Variants in EIF2S3B observed in about 807,000 individuals in gnomAD.
EIF2S3B encodes eukaryotic translation initiation factor 2 subunit gamma B.
In EIF2S3B, 16 loss-of-function variants were observed where a neutral mutation model predicts 26.4. The ratio of observed to expected loss-of-function variants is 0.61; its 90% confidence interval spans 0.41 to 0.92. The LOEUF (loss-of-function observed/expected upper bound fraction) is 0.92. Ranked by LOEUF, EIF2S3B falls within the 40% of genes least tolerant of loss-of-function variation. EIF2S3B has a pLI of 0.00. For missense variants in EIF2S3B, 510 were observed against 575.5 expected (o/e 0.89, Z 1.16); for synonymous variants, 183 against 204.4 (o/e 0.90, Z 0.89).
chr12:10,515,883 TACTA>T (rs1386599635), intron 1 of EIF2S3B, among the ~76,000 whole-genome samples: 56 of 151,358 alleles, frequency 3.7e-4, no homozygotes, highest in African/African-American at 1.3e-3. Context: ...ATTATATACA[TACTA>T]CATACATACT....
At chr12:10,517,621 T>C (rs1275291583) in intron 1 of EIF2S3B, among the ~76,000 whole-genome samples, 3 of 152,144 alleles carry the variant, frequency 2.0e-5, no homozygotes, top group Non-Finnish European at 4.4e-5. Flanking sequence ...TCAGTTCTGC[T>C]CTGATTTTAG....
chr12:10,515,834 ATG>A (rs1385351266), intron 1 of EIF2S3B, among the ~76,000 whole-genome samples: 1 of 151,574 alleles, frequency 6.6e-6, no homozygotes, highest in African/African-American at 2.4e-5. Flanking sequence ...ATGTATATAT[ATG>A]TGTGTGTATA....
chr12:10,517,097 C>G (rs1288250200), intron 1 of EIF2S3B, among the ~76,000 whole-genome samples: 1 of 151,856 alleles, frequency 6.6e-6, no homozygotes, highest in Admixed American at 6.6e-5. Context: ...CTCTGCCCGG[C>G]TTTGGTATCA....
intron 1 of EIF2S3B, among the ~76,000 whole-genome samples, chr12:10,520,669 C>T (rs1456615924): frequency 1.3e-5 from 2 of 152,018 alleles, no homozygotes; most frequent in African/African-American, 4.8e-5. Flanking sequence ...GAACGTCTTC[C>T]GTTCTTTCAT....
chr12:10,511,640 T>C (rs1452529152), downstream of EIF2S3B, among the ~76,000 whole-genome samples: 1 of 152,172 alleles, frequency 6.6e-6, no homozygotes, highest in Non-Finnish European at 1.5e-5. Context: ...AAACTGGAAA[T>C]TTAAAGAATT....
chr12:10,507,343 A>G lies in EIF2S3B; in HGVS notation c.*22A>G, dbSNP rs1428983547. On this transcript the variant is annotated 3_prime_UTR_variant, in exon 1 of 1. Coordinates refer to ENST00000538173, the MANE Select transcript of EIF2S3B (RefSeq NM_001357734.3). ...CTGAAGAATACCGGTTAAATAATAC[A>G]TTCGGATGGAGCTGGAAGTTGCAAT... 6.2e-7 allele frequency: 1 copy of G among 1,611,802 alleles called. No individual in the cohort carries two copies. Among genetic ancestry groups the G allele is most frequent in the Admixed American group, 1.7e-5 (1 of 60,008 alleles).
chr12:10,514,901 C>A (rs1394728451), intron 1 of EIF2S3B, among the ~76,000 whole-genome samples: 1 of 152,100 alleles, frequency 6.6e-6, no homozygotes, highest in Non-Finnish European at 1.5e-5. Context: ...AGATTGACCT[C>A]TCTAAAATCC....
rs2137941644 is a variant in EIF2S3B, at chr12:10,507,364, G to A, written c.*43G>A. On this transcript the variant is annotated 3_prime_UTR_variant, in exon 1 of 1. Coordinates refer to ENST00000538173, the MANE Select transcript of EIF2S3B (RefSeq NM_001357734.3). ...ATACATTCGGATGGAGCTGGAAGTTGCAATTTCTCTTTAACAACCAAGGGG... is the reference window on the plus strand; with the variant it reads ...ATACATTCGGATGGAGCTGGAAGTTACAATTTCTCTTTAACAACCAAGGGG... The A allele has an allele frequency of 5.0e-6, 8 of 1,608,888 alleles. No individual in the cohort carries two copies. The highest frequency in any genetic ancestry group is 6.8e-6 in the Non-Finnish European group (8 of 1,175,514).
rs1057164883 is a variant in EIF2S3B, at chr12:10,522,724, G to T, written c.*29G>T. The T allele has an allele frequency of 1.5e-4, 101 of 683,942 alleles. 1 individual carries two copies. In the East Asian group the frequency reaches 2.6e-3, roughly 18 times the overall value. The allele number at this position is 683,942 out of a possible 1,614,324, so 42.4% of individuals were successfully genotyped here. On this transcript the variant is annotated 3_prime_UTR_variant, in exon 2 of 2. Coordinates refer to the EIF2S3B transcript ENST00000322446. ...ATCATTTCTTTCTTTAAAGAAAAAA[G>T]ACAAAAGAAAACATGATCCCCTTTC...
chr12:10,517,206 C>A (rs1864766453), intron 1 of EIF2S3B, among the ~76,000 whole-genome samples: 1 of 152,106 alleles, frequency 6.6e-6, no homozygotes. Context: ...CTCCTTGTAT[C>A]TCTGGTAGAA....
At chr12:10,522,434 T>C (rs1864842454) in intron 1 of EIF2S3B, among the ~76,000 whole-genome samples, 1 of 152,152 alleles carries the variant, frequency 6.6e-6, no homozygotes, top group Admixed American at 6.6e-5. Flanking sequence ...TTAAAAAGAG[T>C]ATAAATTTGT....
intron 1 of EIF2S3B, among the ~76,000 whole-genome samples, chr12:10,515,439 C>A (rs1009404481): frequency 9.2e-5 from 14 of 151,630 alleles, no homozygotes; most frequent in African/African-American, 3.4e-4. Context: ...AATGAATGAA[C>A]CAAATAATTA....
chr12:10,506,422 C>G lies in EIF2S3B; in HGVS notation c.520C>G (p.Leu174Val), dbSNP rs772630021. The change falls in exon 1 of 1, where the codon CTG becomes GTG. Residue 174 changes from leucine (L) to valine (V), a missense_variant. Leu to Val is a conservative substitution (Grantham distance 32). Coordinates refer to ENST00000538173, the MANE Select transcript of EIF2S3B (RefSeq NM_001357734.3). ...SCPQPQTSEH[L>V]AAIEIMKLKH... ...CCCTCAGCCTCAGACATCTGAACACCTGGCTGCTATAGAGATCATGAAACT... is the reference window on the plus strand; with the variant it reads ...CCCTCAGCCTCAGACATCTGAACACGTGGCTGCTATAGAGATCATGAAACT... 6.2e-7 allele frequency: 1 copy of G among 1,613,774 alleles called. No individual in the cohort carries two copies. Among genetic ancestry groups the G allele is most frequent in the South Asian group, 1.1e-5 (1 of 91,062 alleles).
chr12:10,506,244 T>C lies in EIF2S3B; in HGVS notation c.342T>C (p.Pro114=). 1 of 1,609,794 alleles carries C rather than the reference T, an allele frequency of 6.2e-7. No individual in the cohort carries two copies. The highest frequency in any genetic ancestry group is 8.5e-7 in the Non-Finnish European group (1 of 1,176,034). ...SCGSSMPDEF[P]TDIPGTKGNF... The stretch of plus-strand genomic sequence containing the variant: ...GGAGCAGTATGCCTGATGAGTTTCC[T>C]ACAGACATTCCAGGAACCAAAGGGA... The change falls in exon 1 of 1, where the codon CCT becomes CCC. Residue 114 remains proline (P), a synonymous_variant. Coordinates refer to ENST00000538173, the MANE Select transcript of EIF2S3B (RefSeq NM_001357734.3).
Position 10,505,898 on chromosome 12 carries a change from G to A in EIF2S3B, c.-5G>A. 1 of 1,593,168 alleles carries A rather than the reference G, an allele frequency of 6.3e-7. No individual in the cohort carries two copies. Among genetic ancestry groups the A allele is most frequent in the Admixed American group, 1.7e-5 (1 of 60,004 alleles). On this transcript the variant is annotated 5_prime_UTR_variant, in exon 1 of 1. Coordinates refer to ENST00000538173, the MANE Select transcript of EIF2S3B (RefSeq NM_001357734.3). ...CCGGGGTGACTTTCTTCCTCTTTTGGCAACATGGCGGGCGGAGAAGCTGGG... is the reference window on the plus strand; with the variant it reads ...CCGGGGTGACTTTCTTCCTCTTTTGACAACATGGCGGGCGGAGAAGCTGGG...
intron 1 of EIF2S3B, among the ~76,000 whole-genome samples, chr12:10,520,670 G>A (rs1375002686): frequency 6.6e-6 from 1 of 151,966 alleles, no homozygotes; most frequent in Non-Finnish European, 1.5e-5. Context: ...AACGTCTTCC[G>A]TTCTTTCATT....
rs551990846 is a variant in EIF2S3B at position 10,515,918 on chromosome 12, T to C, written c.1309-6685T>C. The stretch of plus-strand genomic sequence containing the variant: ...ATACTAATTTATACTAGTATATATA[T>C]ATTAGCTTATTTTTAGTATAAAATA... On this transcript the variant is annotated intron_variant, in intron 1 of 1. Transcript: ENST00000322446. Among the ~76,000 whole-genome samples, 11 of 151,300 alleles carry C rather than the reference T, an allele frequency of 7.3e-5. 1 individual carries two copies. The East Asian group carries it at 1.7e-3, about 24-fold the overall frequency.
At chr12:10,522,678 T>C (rs1330572190) in exon 2 of EIF2S3B, 1 of 695,446 alleles carries the variant, frequency 1.4e-6, no homozygotes, top group African/African-American at 1.7e-5. Flanking sequence ...ACAGAGGAAG[T>C]CTGCAGCAAA....
In EIF2S3B at chr12:10,506,373, G is replaced by A. The variant is rs747211840; in HGVS notation, c.471G>A (p.Leu157=). Residue 157 remains leucine (L), a synonymous_variant, in exon 1 of 1, where the codon CTG becomes CTA. Transcript: ENST00000538173. ...NGAAVMDAAL[L]LIAGNESCPQ... ...CAGCAGTGATGGATGCAGCTCTTCT[G>A]TTGATAGCTGGTAATGAATCTTGCC... 5 of 1,614,102 alleles carry A rather than the reference G, an allele frequency of 3.1e-6. No homozygotes were observed. Among genetic ancestry groups the A allele is most frequent in the Admixed American group, 1.7e-5 (1 of 60,026 alleles).
Sources: allele counts gnomAD v4.1 joint callset (sites outside exome capture counted in the v4.1 genomes callset), GRCh38; gene constraint gnomAD v4.1.1; transcripts MANE v1.5; gene names NCBI Gene and HGNC (gene_info 2026-07-23, HGNC 2026-07-21).